Variants in WDR5 observed in about 807,000 individuals in gnomAD.
WDR5 encodes WD repeat-containing protein 5.
For missense variants in WDR5, 187 were observed against 416.9 expected (o/e 0.45, Z 4.80); for synonymous variants, 144 against 161.6 (o/e 0.89, Z 0.83).
chr9:134,142,320 T>C lies in WDR5; in HGVS notation c.355-13T>C, dbSNP rs779803668. The C allele has an allele frequency of 8.7e-6, 14 of 1,610,958 alleles. No individual in the cohort carries two copies. The highest frequency in any genetic ancestry group is 1.2e-5 in the Non-Finnish European group (14 of 1,177,508). On this transcript the variant is annotated splice_polypyrimidine_tract_variant and intron_variant, in intron 5 of 13. Coordinates refer to ENST00000358625, the MANE Select transcript of WDR5 (RefSeq NM_017588.3). ...ATAAGCACTGGAATAATCCTAATAA[T>C]ACTCTGTTATAGGGCAAGTGTCTGA...
chr9:134,141,510 C>G lies in WDR5; in HGVS notation c.191C>G (p.Ser64Cys). Residue 64 changes from serine to cysteine, a missense_variant and splice_region_variant, in exon 4 of 14, where the codon TCT (serine) becomes TGT (cysteine). Ser to Cys is a moderately radical substitution (Grantham distance 112, BLOSUM62 -1). Coordinates refer to ENST00000358625, the MANE Select transcript of WDR5 (RefSeq NM_017588.3). ...CTCAGATCCTTTTGTTTTCTTTCAGCTGCTGATAAACTTATTAAAATTTGG... is the reference window on the plus strand; with the variant it reads ...CTCAGATCCTTTTGTTTTCTTTCAGGTGCTGATAAACTTATTAAAATTTGG... ...SPNGEWLASSSADKLIKIWGA... is the reference protein window; with the variant it reads ...SPNGEWLASSCADKLIKIWGA... The G allele has an allele frequency of 6.2e-7, 1 of 1,613,966 alleles. No individual in the cohort carries two copies. The highest frequency in any genetic ancestry group is 8.5e-7 in the Non-Finnish European group (1 of 1,179,920).
chr9:134,148,945 T>C (rs1832352619), intron 8 of WDR5, among the ~76,000 whole-genome samples: 1 of 151,572 alleles, frequency 6.6e-6, no homozygotes, highest in Non-Finnish European at 1.5e-5. Flanking sequence ...TGGGAGCGAG[T>C]TGGGGGAGTG....
intron 5 of WDR5, 127 bp downstream of exon 5, chr9:134,142,165 G>T: frequency 1.0e-6 from 1 of 956,144 alleles, no homozygotes; most frequent in Middle Eastern, 3.0e-4. Flanking sequence ...CTGGCTGCAG[G>T]GGCATGGGGC....
intron 10 of WDR5, 24 bp downstream of exon 10, chr9:134,154,565 G>A: frequency 1.9e-6 from 3 of 1,613,026 alleles, no homozygotes; most frequent in Non-Finnish European, 2.5e-6. Flanking sequence ...GGGACTGTGG[G>A]GGCGGGCATG....
Position 134,157,878 on chromosome 9 carries a change from T to G in WDR5, c.905-15T>G. 1 of 1,613,676 alleles carries G rather than the reference T, an allele frequency of 6.2e-7. No individual in the cohort carries two copies. The highest frequency in any genetic ancestry group is 8.5e-7 in the Non-Finnish European group (1 of 1,179,590). Reference sequence around the variant, plus strand: ...GCAGGGATGGCTCTGGTTCTGACTGTGTCTTTGTTTTCAGATGTCGTGATC... The same window carrying G: ...GCAGGGATGGCTCTGGTTCTGACTGGGTCTTTGTTTTCAGATGTCGTGATC... On this transcript the variant is annotated splice_polypyrimidine_tract_variant and intron_variant, in intron 13 of 13. Coordinates refer to ENST00000358625, the MANE Select transcript of WDR5 (RefSeq NM_017588.3). The surrounding 1 kb of genome is among the most constrained non-coding windows in gnomAD (Gnocchi z 5.0).
rs569174988 is a variant in WDR5, at chr9:134,159,505, CG to C, written c.*1518del. The stretch of plus-strand genomic sequence containing the variant: ...TGGTTGCACCGGCCCAGGGAGGAAG[CG>C]GGGGGTTTGTCAGGTGGGCTCTCCT... On this transcript the variant is annotated 3_prime_UTR_variant, in exon 14 of 14. Transcript: ENST00000358625. The surrounding 1 kb of genome is among the most constrained non-coding windows in gnomAD (Gnocchi z 4.3). The C allele has an allele frequency of 1.9e-4, 29 of 152,324 alleles. No individual in the cohort carries two copies. The South Asian group carries it at 2.9e-3, about 15-fold the overall frequency. The allele number at this position is 152,324 out of a possible 1,614,324, so 9.4% of individuals were successfully genotyped here.
chr9:134,136,453 C>T (rs1414920203), intron 1 of WDR5, among the ~76,000 whole-genome samples: 1 of 151,996 alleles, frequency 6.6e-6, no homozygotes, highest in Non-Finnish European at 1.5e-5. Flanking sequence ...CCCCGGCGGA[C>T]CGCTGACAAG....
rs1264308290 is a variant in WDR5 at position 134,159,925 on chromosome 9, A to T, written c.*1932A>T. 6.6e-6 allele frequency: 1 copy of T among 152,224 alleles called. No individual in the cohort carries two copies. Among genetic ancestry groups the T allele is most frequent in the Admixed American group, 6.5e-5 (1 of 15,288 alleles). The allele number at this position is 152,224 out of a possible 1,614,324, so 9.4% of individuals were successfully genotyped here. ...TTTGAATTCTGTTGTAGATTTATGT[A>T]AAAATACATTCTTTTTGAAAATAAA... On this transcript the variant is annotated 3_prime_UTR_variant, in exon 14 of 14. Transcript: ENST00000358625. The surrounding 1 kb of genome is among the most constrained non-coding windows in gnomAD (Gnocchi z 4.3).
At chr9:134,138,401 T>G (rs1487723698) in intron 1 of WDR5, among the ~76,000 whole-genome samples, 1 of 152,260 alleles carries the variant, frequency 6.6e-6, no homozygotes, top group Non-Finnish European at 1.5e-5. Flanking sequence ...TTGGATTTCC[T>G]TAGTTCCTCT....
intron 3 of WDR5, among the ~76,000 whole-genome samples, chr9:134,141,295 AAAG>A (rs1348039259): frequency 2.0e-5 from 3 of 152,026 alleles, no homozygotes; most frequent in East Asian, 1.9e-4. Context: ...CAGAAAAACA[AAAG>A]AAGAAGAAAG....
At position 134,154,561 on chromosome 9, in the gene WDR5, G is replaced by A. The variant is rs367791473; in HGVS notation, c.707+20G>A. On this transcript the variant is annotated intron_variant, in intron 10 of 13. Coordinates refer to ENST00000358625, the MANE Select transcript of WDR5 (RefSeq NM_017588.3). ...GGACAAGTGAGTACTGCGTGGGACT[G>A]TGGGGGCGGGCATGTGGCCTCCCCA... 2 of 1,613,356 alleles carry A rather than the reference G, an allele frequency of 1.2e-6. No homozygotes were observed. Among genetic ancestry groups the A allele is most frequent in the Non-Finnish European group, 1.7e-6 (2 of 1,179,552 alleles).
rs945654546 is a variant in WDR5 at position 134,141,594 on chromosome 9, G to A, written c.264+11G>A. ...TCTGGTCACAAGCTGGTAGGTTTCAGCCCTGTGCGGTGAAGTTGACTGTTG... is the reference window on the plus strand; with the variant it reads ...TCTGGTCACAAGCTGGTAGGTTTCAACCCTGTGCGGTGAAGTTGACTGTTG... On this transcript the variant is annotated intron_variant, in intron 4 of 13. Transcript: ENST00000358625. 2 of 1,613,984 alleles carry A rather than the reference G, an allele frequency of 1.2e-6. No homozygotes were observed. The highest frequency in any genetic ancestry group is 2.2e-5 in the East Asian group (1 of 44,902).
rs1422247772 is a variant in WDR5 at position 134,151,642 on chromosome 9, T to C, written c.585-341T>C. On this transcript the variant is annotated intron_variant, in intron 8 of 13. Coordinates refer to ENST00000358625, the MANE Select transcript of WDR5 (RefSeq NM_017588.3). ...CGTGGGCAGAGCCTGCGAGAAGCAC[T>C]GGGCTGCTGCTGCCCCTCTCCTTGG... Among the ~76,000 whole-genome samples the C allele has an allele frequency of 2.0e-5, 3 of 152,210 alleles. No homozygotes were observed. In the East Asian group the frequency reaches 5.8e-4, roughly 29 times the overall value.
intron 8 of WDR5, 44 bp downstream of exon 8, chr9:134,148,387 T>A: frequency 6.5e-7 from 1 of 1,549,934 alleles, no homozygotes; most frequent in South Asian, 1.1e-5. Flanking sequence ...AGTGCTTAAC[T>A]AAGGGCCAGC....
intron 5 of WDR5, 147 bp from the exon 6 acceptor site, chr9:134,142,186 G>T (rs1161054333): frequency 8.1e-6 from 8 of 982,482 alleles, no homozygotes; most frequent in Non-Finnish European, 1.2e-5. Context: ...GGGGGTGGGT[G>T]GGGGAGGCCG....
chr9:134,154,317 G>A (rs35420166), intron 9 of WDR5, 149 bp from the exon 10 acceptor site: 31,891 of 809,384 alleles, frequency 0.039, 1,608 homozygotes, highest in African/African-American at 0.2. Context: ...GCCACCCTTC[G>A]GGGCGGCGAG....
intron 7 of WDR5, among the ~76,000 whole-genome samples, chr9:134,147,887 G>A (rs934007315): frequency 2.0e-5 from 3 of 151,882 alleles, no homozygotes; most frequent in Non-Finnish European, 4.4e-5. Context: ...TGGGCGCGGT[G>A]CCTCACACCT....
chr9:134,155,852 CAG>C (rs1325092121), intron 12 of WDR5, 85 bp downstream of exon 12: 5 of 1,252,544 alleles, frequency 4.0e-6, no homozygotes, highest in Non-Finnish European at 5.7e-6. Flanking sequence ...GCTTTATACT[CAG>C]AGACACTTTT....
At chr9:134,147,106 A>G (rs920649868) in intron 7 of WDR5, among the ~76,000 whole-genome samples, 1 of 152,260 alleles carries the variant, frequency 6.6e-6, no homozygotes, top group Non-Finnish European at 1.5e-5. Flanking sequence ...TGTGTTGATT[A>G]TGTTGAAATA....
Sources: allele counts gnomAD v4.1 joint callset (sites outside exome capture counted in the v4.1 genomes callset), GRCh38; gene constraint gnomAD v4.1.1; non-coding constraint Gnocchi (gnomAD v3.1); transcripts MANE v1.5; gene names NCBI Gene and HGNC (gene_info 2026-07-23, HGNC 2026-07-21).